Variants in GNAS observed in about 807,000 individuals in gnomAD.
GNAS encodes the protein protein ALEX.
In GNAS, 8 loss-of-function variants were observed where a neutral mutation model predicts 54.5. The ratio of observed to expected loss-of-function variants is 0.15; its 90% confidence interval spans 0.09 to 0.26. The LOEUF is 0.26. GNAS is among the 10% of genes least tolerant of loss of function. The pLI, the probability that GNAS is intolerant of heterozygous loss-of-function variation, is 1.00. For synonymous variants in GNAS, 204 were observed against 191.4 expected (o/e 1.07, Z -0.54); for missense variants, 170 against 529.8 (o/e 0.32, Z 6.67).
intron 1 of GNAS, chr20:58,885,080 G>A (rs916538847): frequency 1.3e-5 from 2 of 152,238 alleles, no homozygotes; most frequent in Non-Finnish European, 1.5e-5. Context: ...AGTAATACAT[G>A]TCATCTCTTT....
chr20:58,875,619 G>A (rs1414139014), intron 1 of GNAS, among the ~76,000 whole-genome samples: 1 of 152,144 alleles, frequency 6.6e-6, no homozygotes, highest in Non-Finnish European at 1.5e-5. Context: ...AGGACACGTG[G>A]ACCCCTCACA....
chr20:58,853,931 G>A lies in GNAS; in HGVS notation c.43+13045G>A, dbSNP rs1337142353. Reference sequence around the variant, plus strand: ...GAGGCTACAGCCCTCCCCCTGAGGAGACTATGCCATTTGAGCTTGATGGAG... The same window carrying A: ...GAGGCTACAGCCCTCCCCCTGAGGAAACTATGCCATTTGAGCTTGATGGAG... On this transcript the variant is annotated intron_variant, in intron 1 of 12. Coordinates refer to the GNAS transcript ENST00000306090. The surrounding 1 kb of genome is among the most constrained non-coding windows in gnomAD (Gnocchi z 4.4). 1 of 1,611,290 alleles carries A rather than the reference G, an allele frequency of 6.2e-7. No homozygotes were observed. The highest frequency in any genetic ancestry group is 1.3e-5 in the African/African-American group (1 of 74,928).
At chr20:58,847,459 A>G (rs770202216) in intron 1 of GNAS, among the ~76,000 whole-genome samples, 6 of 152,250 alleles carry the variant, frequency 3.9e-5, no homozygotes, top group Admixed American at 6.5e-5. Flanking sequence ...AAAGTAATTA[A>G]TTGTACAGCT....
intron 2 of GNAS, chr20:58,897,391 GAGT>G (rs1467750894): frequency 6.6e-6 from 1 of 152,208 alleles, no homozygotes; most frequent in East Asian, 1.9e-4. Context: ...TTATTCATGA[GAGT>G]AGTTAAGCAA....
At chr20:58,852,156 G>T (rs2086201429) in intron 1 of GNAS, among the ~76,000 whole-genome samples, 1 of 151,804 alleles carries the variant, frequency 6.6e-6, no homozygotes, top group South Asian at 2.1e-4. Context: ...TTGGTGGTAC[G>T]CACCCGAGAC....
At chr20:58,870,612 C>T (rs183951940) in intron 1 of GNAS, among the ~76,000 whole-genome samples, 56 of 152,328 alleles carry the variant, frequency 3.7e-4, no homozygotes, top group African/African-American at 1.2e-3. Flanking sequence ...TCTTGGGTCC[C>T]GGGGACCTTA....
intron 3 of GNAS, chr20:58,900,167 A>ACATTTC: frequency 1.7e-6 from 1 of 582,926 alleles, no homozygotes; most frequent in Non-Finnish European, 3.1e-6. Flanking sequence ...GAAATGTAGT[A>ACATTTC]TGACAACTAT....
upstream of GNAS, chr20:58,889,215 T>C (rs1488814088): frequency 5.2e-6 from 6 of 1,160,606 alleles, no homozygotes; most frequent in Non-Finnish European, 5.4e-6. Flanking sequence ...CTGCGTCAGG[T>C]GGCTGGCCGG....
At chr20:58,866,540 C>G (rs1261784974) in intron 1 of GNAS, among the ~76,000 whole-genome samples, 1 of 152,172 alleles carries the variant, frequency 6.6e-6, no homozygotes, top group Non-Finnish European at 1.5e-5. Context: ...GTCTAAGCCC[C>G]TAATTTGCAT....
chr20:58,852,491 G>A (rs1049612966), intron 1 of GNAS, among the ~76,000 whole-genome samples: 1 of 152,204 alleles, frequency 6.6e-6, no homozygotes, highest in East Asian at 1.9e-4. Context: ...CGGACTAGGG[G>A]CTTGAGATCC....
Position 58,853,667 on chromosome 20 carries a change from C to G in GNAS, c.43+12781C>G, listed in dbSNP as rs771418632. On this transcript the variant is annotated intron_variant, in intron 1 of 12. Coordinates refer to the GNAS transcript ENST00000306090. This position sits in a 1 kb window ranked among gnomAD's most constrained non-coding sequence, Gnocchi z 4.4. The stretch of plus-strand genomic sequence containing the variant: ...GGGTCCATGCAGGCCTTGAGGCCTT[C>G]GGCCCAGCACTCATGGAGCCCGGAG... 1.9e-6 allele frequency: 3 copies of G among 1,613,612 alleles called. No homozygotes were observed. The highest frequency in any genetic ancestry group is 2.2e-5 in the South Asian group (2 of 91,090).
At chr20:58,883,664 T>A (rs1379586670) in intron 1 of GNAS, among the ~76,000 whole-genome samples, 2 of 152,134 alleles carry the variant, frequency 1.3e-5, no homozygotes, top group African/African-American at 2.4e-5. Flanking sequence ...TGCCAAGCCC[T>A]CAATAAACTG....
rs115727904 is a variant in GNAS, at chr20:58,903,324, C to T, written c.258-207C>T. 905 of 655,664 alleles carry T rather than the reference C, an allele frequency of 1.4e-3. 9 individuals are homozygous for T. The highest frequency in any genetic ancestry group is 0.013 in the African/African-American group (753 of 56,144). 40.6% of individuals were successfully genotyped at this position (655,664 alleles called of 1,614,324 possible). On this transcript the variant is annotated intron_variant, in intron 3 of 12. Coordinates refer to ENST00000371085, the MANE Select transcript of GNAS (RefSeq NM_000516.7). ...GCTAAGGCAATTTGCTAATCTGCCCCGATTGGGCGTGTCCTCAGGGCACAT... is the reference window on the plus strand; with the variant it reads ...GCTAAGGCAATTTGCTAATCTGCCCTGATTGGGCGTGTCCTCAGGGCACAT...
upstream of GNAS, chr20:58,840,034 C>A (rs2085658137): frequency 6.5e-7 from 1 of 1,543,158 alleles, no homozygotes; most frequent in Non-Finnish European, 8.9e-7. The surrounding 1 kb of genome is among the most constrained non-coding windows in gnomAD (Gnocchi z 6.0). Context: ...CCGGCTCCAG[C>A]AGCCAATGTG....
At chr20:58,904,566 T>C (rs2090918334) in intron 5 of GNAS, among the ~76,000 whole-genome samples, 1 of 152,166 alleles carries the variant, frequency 6.6e-6, no homozygotes, top group Non-Finnish European at 1.5e-5. Context: ...GATGGAAAGA[T>C]GTATGCGTTT....
upstream of GNAS, chr20:58,889,660 C>G (rs1312306165): frequency 6.6e-6 from 1 of 151,806 alleles, no homozygotes; most frequent in Non-Finnish European, 1.5e-5. Context: ...TGTTCTTGTC[C>G]CTTTTTCGTT....
At chr20:58,882,230 G>A (rs1469408763) in intron 1 of GNAS, among the ~76,000 whole-genome samples, 2 of 152,116 alleles carry the variant, frequency 1.3e-5, no homozygotes, top group African/African-American at 2.4e-5. Flanking sequence ...CACTGCGCCC[G>A]GCTAATTTTT....
chr20:58,881,346 C>A lies in GNAS; in HGVS notation c.44-14266C>A, dbSNP rs2088207548. ...TCCCAATTAAGTTTTATATCCATTT[C>A]CTTTGTATGGTTGAGCTATTTGGCA... On this transcript the variant is annotated intron_variant, in intron 1 of 12. Coordinates refer to the GNAS transcript ENST00000306090. Among the ~76,000 whole-genome samples, 3 of 152,092 alleles carry A rather than the reference C, an allele frequency of 2.0e-5. No homozygotes were observed. In the South Asian group the frequency reaches 6.2e-4, roughly 32 times the overall value.
At chr20:58,887,551 C>T (rs1437882431), upstream of GNAS, among the ~76,000 whole-genome samples, 6 of 152,288 alleles carry the variant, frequency 3.9e-5, no homozygotes, top group East Asian at 9.6e-4. Flanking sequence ...GGTGTATCTG[C>T]ACAATATTTT....
Sources: allele counts gnomAD v4.1 joint callset (sites outside exome capture counted in the v4.1 genomes callset), GRCh38; gene constraint gnomAD v4.1.1; non-coding constraint Gnocchi (gnomAD v3.1); transcripts MANE v1.5; gene names NCBI Gene and HGNC (gene_info 2026-07-23, HGNC 2026-07-21).